Variants in NRXN3 observed in about 807,000 individuals in gnomAD.
NRXN3 encodes neurexin III.
NRXN3 carries 32 observed loss-of-function variants against 137.6 expected under a neutral mutation model. The ratio of observed to expected loss-of-function variants is 0.23; its 90% CI spans 0.18 to 0.31. The LOEUF is 0.31. Ranked by LOEUF, NRXN3 falls within the 10% of genes least tolerant of loss-of-function variation. NRXN3 has a pLI of 1.00. For missense variants in NRXN3, 1,574 were observed against 2,062.5 expected (o/e 0.76, Z 4.59); for synonymous variants, 798 against 784.5 (o/e 1.02, Z -0.29).
rs59465892 is a variant in NRXN3 at position 78,211,277 on chromosome 14, C to G, written c.-703-31114C>G. Among the ~76,000 whole-genome samples the G allele has an allele frequency of 6.5e-3, 985 of 152,286 alleles. 9 individuals are homozygous for G. The highest frequency in any genetic ancestry group is 0.022 in the African/African-American group (907 of 41,562). On this transcript the variant is annotated intron_variant, in intron 1 of 20. Transcript: ENST00000335750. Reference sequence around the variant, plus strand: ...TCACCTCCTAGAGTCTGGTCTTTCTCTTTTGGGCTAGGCTCTTGTGGGTGG... The same window carrying G: ...TCACCTCCTAGAGTCTGGTCTTTCTGTTTTGGGCTAGGCTCTTGTGGGTGG...
chr14:78,293,298 G>A (rs990279786), intron 3 of NRXN3, among the ~76,000 whole-genome samples: 5 of 152,106 alleles, frequency 3.3e-5, no homozygotes, highest in African/African-American at 1.2e-4. Flanking sequence ...GAATGGGGTT[G>A]TGAGAAGCCC....
intron 19 of NRXN3, among the ~76,000 whole-genome samples, chr14:79,719,259 GT>G (rs2098834350): frequency 1.4e-5 from 1 of 71,980 alleles, no homozygotes; most frequent in Non-Finnish European, 3.2e-5. Flanking sequence ...ATATGTGTGT[GT>G]GTGTGTGTGT....
At chr14:79,448,654 A>G (rs766428292) in intron 15 of NRXN3, among the ~76,000 whole-genome samples, 3 of 152,196 alleles carry the variant, frequency 2.0e-5, no homozygotes, top group Non-Finnish European at 2.9e-5. Context: ...TGCAACTCAC[A>G]GTCACCCCAA....
intron 19 of NRXN3, among the ~76,000 whole-genome samples, chr14:79,707,265 G>A (rs2098784288): frequency 6.6e-6 from 1 of 152,184 alleles, no homozygotes; most frequent in Non-Finnish European, 1.5e-5. Context: ...ACGAATGAAA[G>A]TAAGTTAAGC....
chr14:79,763,809 C>A (rs1297814775), intron 19 of NRXN3, among the ~76,000 whole-genome samples: 1 of 151,534 alleles, frequency 6.6e-6, no homozygotes, highest in Non-Finnish European at 1.5e-5. Flanking sequence ...AACTCCACCT[C>A]CTGATACCAT....
At chr14:79,696,143 G>A (rs546705937) in intron 18 of NRXN3, among the ~76,000 whole-genome samples, 1 of 151,996 alleles carries the variant, frequency 6.6e-6, no homozygotes, top group South Asian at 2.1e-4. Flanking sequence ...CATTGAGAAG[G>A]TATTTCACAT....
intron 4 of NRXN3, among the ~76,000 whole-genome samples, chr14:78,343,503 C>A (rs1163889263): frequency 1.3e-5 from 2 of 152,112 alleles, no homozygotes; most frequent in East Asian, 3.9e-4. Flanking sequence ...TATGGCAGGC[C>A]ACTATCTTTA....
intron 8 of NRXN3, among the ~76,000 whole-genome samples, chr14:78,775,294 A>G (rs898286560): frequency 1.3e-5 from 2 of 152,192 alleles, no homozygotes; most frequent in Non-Finnish European, 2.9e-5. Context: ...CTCAGCATCT[A>G]TACAAGTTAG....
Position 78,351,581 on chromosome 14 carries a change from T to G in NRXN3, c.757+53721T>G, listed in dbSNP as rs560702112. On this transcript the variant is annotated intron_variant, in intron 4 of 20. Coordinates refer to ENST00000335750, the MANE Select transcript of NRXN3 (RefSeq NM_001330195.2). ...CAGAAAGAAAGAGCAACTTTTTATC[T>G]GGGTATTGGTCTTGAGGTTCCCTTT... is the stretch of plus-strand genomic sequence containing the variant. Among the ~76,000 whole-genome samples the G allele has an allele frequency of 3.9e-5, 6 of 152,260 alleles. No individual in the cohort carries two copies. In the South Asian group the frequency reaches 1.0e-3, roughly 26 times the overall value.
At chr14:79,372,089 A>G (rs1475216624) in intron 15 of NRXN3, among the ~76,000 whole-genome samples, 1 of 151,642 alleles carries the variant, frequency 6.6e-6, no homozygotes, top group Admixed American at 6.6e-5. Flanking sequence ...ACACATGTAC[A>G]TTTAATCAAA....
At chr14:79,033,712 T>G (rs1013598772) in intron 15 of NRXN3, among the ~76,000 whole-genome samples, 2 of 152,130 alleles carry the variant, frequency 1.3e-5, no homozygotes, top group African/African-American at 4.8e-5. Flanking sequence ...TAAAGAGCTA[T>G]AATAAGAAAC....
chr14:79,182,403 T>C (rs898987177), intron 15 of NRXN3, among the ~76,000 whole-genome samples: 2 of 151,546 alleles, frequency 1.3e-5, no homozygotes, highest in Non-Finnish European at 2.9e-5. Flanking sequence ...AACTAGATAG[T>C]CCCATATGGT....
At chr14:79,607,040 A>G (rs778909596) in intron 16 of NRXN3, among the ~76,000 whole-genome samples, 2 of 152,176 alleles carry the variant, frequency 1.3e-5, no homozygotes, top group African/African-American at 2.4e-5. Flanking sequence ...ATGTTTTCCT[A>G]TGTGTATGTG....
intron 15 of NRXN3, among the ~76,000 whole-genome samples, chr14:78,989,818 A>G (rs916235672): frequency 2.6e-5 from 4 of 152,194 alleles, no homozygotes; most frequent in African/African-American, 9.7e-5. Flanking sequence ...GAAAATGGTC[A>G]GGAAGAGACT....
At chr14:78,614,680 A>G (rs1202004566) in intron 4 of NRXN3, among the ~76,000 whole-genome samples, 2 of 152,142 alleles carry the variant, frequency 1.3e-5, no homozygotes, top group East Asian at 3.9e-4. Context: ...CACAGAAAAC[A>G]TATTTTGCAC....
intron 4 of NRXN3, among the ~76,000 whole-genome samples, chr14:78,548,856 T>TA (rs938644584): frequency 6.6e-6 from 1 of 152,186 alleles, no homozygotes; most frequent in Non-Finnish European, 1.5e-5. Context: ...ACAGGGGCTC[T>TA]AGGAGCCCAC....
intron 10 of NRXN3, among the ~76,000 whole-genome samples, chr14:78,904,160 T>C (rs755601661): frequency 2.6e-5 from 4 of 152,096 alleles, no homozygotes; most frequent in Admixed American, 6.6e-5. Flanking sequence ...CAGTCTGGTT[T>C]ACAGAGCCTG....
At chr14:78,312,678 G>A (rs1353077069) in intron 4 of NRXN3, among the ~76,000 whole-genome samples, 1 of 151,732 alleles carries the variant, frequency 6.6e-6, no homozygotes, top group African/African-American at 2.4e-5. Context: ...GTTCTACCAT[G>A]TGTCTGATGG....
intron 8 of NRXN3, among the ~76,000 whole-genome samples, chr14:78,733,495 TG>T (rs1235896602): frequency 6.6e-6 from 1 of 152,178 alleles, no homozygotes; most frequent in Non-Finnish European, 1.5e-5. Flanking sequence ...AGTGTACTAA[TG>T]TCAAGGAATC....
Sources: allele counts gnomAD v4.1 joint callset (sites outside exome capture counted in the v4.1 genomes callset), GRCh38; gene constraint gnomAD v4.1.1; transcripts MANE v1.5; gene names NCBI Gene and HGNC (gene_info 2026-07-23, HGNC 2026-07-21).